The following PLEKHM3 variants were observed in gnomAD, a reference collection of about 807,000 sequenced individuals.
PLEKHM3 encodes pleckstrin homology domain containing M3, also known as pleckstrin homology domain-containing family M member 3.
A neutral mutation model predicts 81.8 loss-of-function variants in PLEKHM3; 45 were observed. The ratio of observed to expected loss-of-function variants is 0.55; its 90% CI spans 0.43 to 0.71. PLEKHM3 has a LOEUF of 0.71. Ranked by LOEUF, PLEKHM3 falls within the 30% of genes least tolerant of loss-of-function variation. PLEKHM3 has a pLI of 0.00. For missense variants in PLEKHM3, 788 were observed against 924.3 expected (o/e 0.85, Z 1.91); for synonymous variants, 352 against 356.4 (o/e 0.99, Z 0.14).
At chr2:207,927,017 G>A (rs985024296) in intron 5 of PLEKHM3, among the ~76,000 whole-genome samples, 4 of 152,142 alleles carry the variant, frequency 2.6e-5, no homozygotes, top group Non-Finnish European at 5.9e-5. Flanking sequence ...CTACTTGCTG[G>A]AGATTAATGG....
chr2:207,938,847 C>T (rs1382272584), intron 4 of PLEKHM3, among the ~76,000 whole-genome samples: 1 of 152,168 alleles, frequency 6.6e-6, no homozygotes, highest in Non-Finnish European at 1.5e-5. Context: ...AACAAAACAT[C>T]CTGCTTTACA....
chr2:207,828,782 A>AAC (rs777361970), intron 7 of PLEKHM3, among the ~76,000 whole-genome samples: 5 of 152,222 alleles, frequency 3.3e-5, no homozygotes, highest in Non-Finnish European at 7.3e-5. Context: ...CAATGGACAG[A>AAC]ACACCAGAAG....
intron 5 of PLEKHM3, among the ~76,000 whole-genome samples, chr2:207,910,035 G>T (rs548543209): frequency 1.3e-5 from 2 of 152,314 alleles, no homozygotes; most frequent in South Asian, 4.1e-4. Flanking sequence ...ACCTCTCCCG[G>T]AAAGTAGGAA....
chr2:207,984,722 T>A (rs1468810211), intron 2 of PLEKHM3, among the ~76,000 whole-genome samples: 2 of 152,240 alleles, frequency 1.3e-5, no homozygotes, highest in Non-Finnish European at 2.9e-5. Flanking sequence ...TGAGTTCATA[T>A]GTTGATTTTG....
intron 1 of PLEKHM3, among the ~76,000 whole-genome samples, chr2:208,012,492 T>G (rs1217519570): frequency 6.6e-6 from 1 of 152,232 alleles, no homozygotes; most frequent in Non-Finnish European, 1.5e-5. Flanking sequence ...AATTACCTTT[T>G]AAATCACCTT....
chr2:208,000,921 C>T, intron 2 of PLEKHM3, 109 bp downstream of exon 2: 1 of 1,081,690 alleles, frequency 9.2e-7, no homozygotes, highest in South Asian at 1.8e-5. Flanking sequence ...AAAGGAAAAA[C>T]CAACAATGAT....
rs1044527604 is a variant in PLEKHM3, at chr2:208,011,494, T to C, written c.-318-9537A>G. ...TGGGATTGGAGACTACTATTCTAAG[T>C]GAAGTAACTCAGGAATGAAAAACCA... is the stretch of plus-strand genomic sequence containing the variant. On this transcript the variant is annotated intron_variant, in intron 1 of 7. Transcript: ENST00000427836. Among the ~76,000 whole-genome samples, 10 of 152,140 alleles carry C rather than the reference T, an allele frequency of 6.6e-5. No homozygotes were observed. The East Asian group carries it at 1.9e-3, about 29-fold the overall frequency.
intron 6 of PLEKHM3, among the ~76,000 whole-genome samples, chr2:207,887,259 T>C (rs1318348606): frequency 6.6e-6 from 1 of 152,194 alleles, no homozygotes. Flanking sequence ...AATAAATAAC[T>C]TACTACAAAT....
At chr2:207,852,824 G>A (rs2092419543) in intron 7 of PLEKHM3, 4 of 436,086 alleles carry the variant, frequency 9.2e-6, no homozygotes, top group South Asian at 3.4e-5. Flanking sequence ...ATCTGCATAT[G>A]GGTCTCCGAA....
chr2:207,994,993 C>T (rs1034459147), intron 2 of PLEKHM3, among the ~76,000 whole-genome samples: 3 of 152,096 alleles, frequency 2.0e-5, no homozygotes, highest in South Asian at 2.1e-4. Flanking sequence ...CAAACTGGCA[C>T]GTTCTGCGCG....
At chr2:207,913,800 A>T (rs1409944997) in intron 5 of PLEKHM3, among the ~76,000 whole-genome samples, 1 of 152,118 alleles carries the variant, frequency 6.6e-6, no homozygotes, top group East Asian at 1.9e-4. Context: ...ATAGAAACAA[A>T]AGCTGAAGAC....
chr2:207,861,495 C>CT (rs1368330606), intron 6 of PLEKHM3, among the ~76,000 whole-genome samples: 1 of 151,854 alleles, frequency 6.6e-6, no homozygotes, highest in Admixed American at 6.6e-5. Context: ...ATTCCTCTTG[C>CT]TTTGTAGTAT....
chr2:208,001,395 T>A lies in PLEKHM3; in HGVS notation c.245A>T (p.Glu82Val), dbSNP rs1692297497. Residue 82 changes from glutamate to valine, a missense_variant, in exon 2 of 8, where the codon GAA becomes GTA. Physicochemically the swap from Glu to Val is moderately radical, Grantham distance 121 (BLOSUM62 -2). Coordinates refer to ENST00000427836, the MANE Select transcript of PLEKHM3 (RefSeq NM_001080475.3). ...AGGGAAGACATTTTGAGCTTTGGTT[T>A]CTAAGAGCCTGCTCTTACAGTGGTC... The part of the protein sequence containing the change: ...IWDHCKSRLL[E>V]TKAQNVFPAK... 2.5e-6 allele frequency: 4 copies of A among 1,614,220 alleles called. No homozygotes were observed. The highest frequency in any genetic ancestry group is 3.4e-6 in the Non-Finnish European group (4 of 1,180,032).
chr2:207,945,294 T>G (rs1690084746), intron 4 of PLEKHM3, among the ~76,000 whole-genome samples: 1 of 152,224 alleles, frequency 6.6e-6, no homozygotes, highest in Non-Finnish European at 1.5e-5. Context: ...AGGGTCCCCG[T>G]GCTCACTTTT....
chr2:207,962,478 A>C (rs1010786357), intron 3 of PLEKHM3, among the ~76,000 whole-genome samples: 1 of 152,168 alleles, frequency 6.6e-6, no homozygotes, highest in African/African-American at 2.4e-5. Context: ...TTTATAATAA[A>C]ACTGCAATTG....
chr2:208,022,199 G>A (rs528706127), intron 1 of PLEKHM3, among the ~76,000 whole-genome samples: 3 of 152,234 alleles, frequency 2.0e-5, no homozygotes, highest in Admixed American at 6.5e-5. Flanking sequence ...CTGTTGAGGA[G>A]GATTTTTGAA....
At chr2:207,898,715 A>C (rs1688324980) in intron 6 of PLEKHM3, among the ~76,000 whole-genome samples, 1 of 152,000 alleles carries the variant, frequency 6.6e-6, no homozygotes, top group Non-Finnish European at 1.5e-5. Flanking sequence ...CAACATAGGG[A>C]GACTCCTACC....
chr2:207,887,224 C>T (rs540123083), intron 6 of PLEKHM3, among the ~76,000 whole-genome samples: 2 of 152,166 alleles, frequency 1.3e-5, no homozygotes, highest in Non-Finnish European at 2.9e-5. Flanking sequence ...ATAAGAATGA[C>T]AATTCTTTTG....
chr2:207,922,969 C>A (rs530388105), intron 5 of PLEKHM3, among the ~76,000 whole-genome samples: 17 of 152,230 alleles, frequency 1.1e-4, no homozygotes, highest in African/African-American at 3.9e-4. Flanking sequence ...CAAGTCAAGT[C>A]GAGTCAAGAG....
Sources: gnomAD v4.1 joint callset for allele counts (sites outside exome capture counted in the v4.1 genomes callset) on GRCh38, gnomAD v4.1.1 for gene constraint, MANE v1.5 for transcripts, NCBI Gene and HGNC (gene_info 2026-07-23, HGNC 2026-07-21) for gene names.